Variants in SORCS2 observed in about 807,000 individuals in gnomAD.
SORCS2 encodes the protein sortilin related VPS10 domain containing receptor 2.
A neutral mutation model predicts 141.6 loss-of-function variants in SORCS2; 100 were observed. The observed-to-expected ratio is 0.71, with a 90% CI of 0.60 to 0.83. The LOEUF (loss-of-function observed/expected upper bound fraction) is 0.83. Among genes scored for constraint, SORCS2 ranks in the 40% least tolerant of loss-of-function variants. The probability of loss-of-function intolerance (pLI) is 0.00; values close to 1 mark genes in which losing one functional copy is unlikely to be tolerated. For synonymous variants in SORCS2, 789 were observed against 676.9 expected (o/e 1.17, Z -2.57); for missense variants, 1,646 against 1,560.2 (o/e 1.05, Z -0.93).
At chr4:7,665,364 A>T (rs960147901) in intron 7 of SORCS2, among the ~76,000 whole-genome samples, 1 of 152,060 alleles carries the variant, frequency 6.6e-6, no homozygotes, top group Non-Finnish European at 1.5e-5. Context: ...GCTGCCACTG[A>T]TCCTAACCTC....
intron 4 of SORCS2, among the ~76,000 whole-genome samples, chr4:7,640,439 CAT>C (rs774696674): frequency 3.2e-5 from 4 of 125,656 alleles, no homozygotes; most frequent in Admixed American, 2.3e-4. Context: ...TGTGAGTCTA[CAT>C]GAGTGTGTGG....
chr4:7,418,897 C>A (rs924516572), intron 2 of SORCS2, among the ~76,000 whole-genome samples: 5 of 152,046 alleles, frequency 3.3e-5, no homozygotes, highest in African/African-American at 4.8e-5. Flanking sequence ...TTGCCTGGGG[C>A]AATGGGGAAG....
At chr4:7,698,892 G>C (rs1724878633) in intron 12 of SORCS2, among the ~76,000 whole-genome samples, 1 of 152,078 alleles carries the variant, frequency 6.6e-6, no homozygotes, top group Non-Finnish European at 1.5e-5. Context: ...GAGGAGGAAG[G>C]ATGTCCAGGC....
intron 1 of SORCS2, among the ~76,000 whole-genome samples, chr4:7,270,583 A>C (rs1016827887): frequency 3.3e-5 from 5 of 152,222 alleles, no homozygotes; most frequent in Non-Finnish European, 7.4e-5. Context: ...TCTGGGGACT[A>C]ATTGTTGCTA....
chr4:7,397,371 A>G (rs1724280824), intron 2 of SORCS2, among the ~76,000 whole-genome samples: 1 of 152,190 alleles, frequency 6.6e-6, no homozygotes, highest in East Asian at 1.9e-4. Flanking sequence ...CTGTGCTGCT[A>G]AATGAGGCCA....
At chr4:7,216,660 G>T (rs1728370484) in intron 1 of SORCS2, among the ~76,000 whole-genome samples, 1 of 152,054 alleles carries the variant, frequency 6.6e-6, no homozygotes, top group Admixed American at 6.6e-5. Context: ...TCCTTCTCTG[G>T]CTCTGACCCT....
At chr4:7,732,578 T>C (rs1053236699) in intron 23 of SORCS2, among the ~76,000 whole-genome samples, 1 of 152,122 alleles carries the variant, frequency 6.6e-6, no homozygotes, top group Non-Finnish European at 1.5e-5. Flanking sequence ...CCTCCTGGGA[T>C]ATCCCTCCCT....
intron 3 of SORCS2, among the ~76,000 whole-genome samples, chr4:7,632,186 G>T (rs1241296583): frequency 1.3e-5 from 2 of 152,186 alleles, no homozygotes; most frequent in Non-Finnish European, 2.9e-5. Flanking sequence ...CGTAAACTGT[G>T]CACCCGTTTC....
At chr4:7,716,318 A>C (rs1443370832) in intron 17 of SORCS2, among the ~76,000 whole-genome samples, 1 of 152,138 alleles carries the variant, frequency 6.6e-6, no homozygotes, top group Admixed American at 6.6e-5. Context: ...CCTGCCATCC[A>C]CCCACCCATC....
chr4:7,195,655 G>C (rs71601828), intron 1 of SORCS2, among the ~76,000 whole-genome samples: 1 of 152,192 alleles, frequency 6.6e-6, no homozygotes. Flanking sequence ...CATTGCCTTA[G>C]TGCTTGTTGC....
intron 2 of SORCS2, among the ~76,000 whole-genome samples, chr4:7,472,285 G>A (rs1730023219): frequency 1.3e-5 from 2 of 152,210 alleles, no homozygotes; most frequent in African/African-American, 4.8e-5. Context: ...CCCACCTGCT[G>A]GGTTGGGGAT....
intron 1 of SORCS2, among the ~76,000 whole-genome samples, chr4:7,365,252 G>A (rs1721807867): frequency 6.6e-6 from 1 of 152,224 alleles, no homozygotes; most frequent in South Asian, 2.1e-4. Flanking sequence ...ATGGAGGAAG[G>A]AGAGGTGGCT....
At chr4:7,682,941 T>G (rs372306879) in intron 10 of SORCS2, 52 bp downstream of exon 10, 1 of 1,577,196 alleles carries the variant, frequency 6.3e-7, no homozygotes, top group East Asian at 2.3e-5. Flanking sequence ...ATGCTAGATA[T>G]AACTTCAGTA....
chr4:7,362,616 C>T (rs1444528651), intron 1 of SORCS2, among the ~76,000 whole-genome samples: 1 of 152,070 alleles, frequency 6.6e-6, no homozygotes, highest in Non-Finnish European at 1.5e-5. Context: ...GCTGCGGTTC[C>T]AGGGGGAACC....
At position 7,708,327 on chromosome 4, in the gene SORCS2, G is replaced by A. The variant is rs1725605094; in HGVS notation, c.1868+4043G>A. On this transcript the variant is annotated intron_variant, in intron 14 of 26. Transcript: ENST00000507866. ...GGCTGGCCTTCCCAGGCCATGCATT[G>A]TGGTGGGATTGAGGGGATGCTTGGG... is the stretch of plus-strand genomic sequence containing the variant. Among the ~76,000 whole-genome samples, 3 of 152,204 alleles carry A rather than the reference G, an allele frequency of 2.0e-5. No homozygotes were observed. In the South Asian group the frequency reaches 6.2e-4, roughly 32 times the overall value.
chr4:7,472,290 G>T (rs1730023355), intron 2 of SORCS2, among the ~76,000 whole-genome samples: 1 of 152,200 alleles, frequency 6.6e-6, no homozygotes, highest in South Asian at 2.1e-4. Flanking sequence ...CTGCTGGGTT[G>T]GGGATGATTC....
At chr4:7,572,661 T>G (rs1253835792) in intron 3 of SORCS2, among the ~76,000 whole-genome samples, 2 of 152,236 alleles carry the variant, frequency 1.3e-5, no homozygotes, top group Non-Finnish European at 2.9e-5. Context: ...CATCACTTCC[T>G]AAATCATCAG....
At chr4:7,596,550 A>C (rs192530549) in intron 3 of SORCS2, among the ~76,000 whole-genome samples, 1 of 152,226 alleles carries the variant, frequency 6.6e-6, no homozygotes, top group Admixed American at 6.5e-5. Flanking sequence ...TTCAAAATTT[A>C]TCTCCTTTCG....
chr4:7,614,421 C>T (rs1454309118), intron 3 of SORCS2, among the ~76,000 whole-genome samples: 3 of 151,350 alleles, frequency 2.0e-5, no homozygotes, highest in African/African-American at 7.3e-5. Flanking sequence ...CATCCATCCA[C>T]CTATTTACCA....
Sources: allele counts gnomAD v4.1 joint callset (sites outside exome capture counted in the v4.1 genomes callset), GRCh38; gene constraint gnomAD v4.1.1; transcripts MANE v1.5; gene names NCBI Gene and HGNC (gene_info 2026-07-23, HGNC 2026-07-21).